The following DNER variants were observed in gnomAD, a reference collection of about 807,000 sequenced individuals.
DNER encodes the protein delta/notch like EGF repeat containing.
Under a neutral mutation model 78.2 loss-of-function variants are expected in DNER, and 33 were observed. The ratio of observed to expected loss-of-function variants is 0.42; its 90% CI spans 0.32 to 0.56. The LOEUF (loss-of-function observed/expected upper bound fraction) is 0.56, where lower values mean the gene tolerates loss of function less well. Among genes scored for constraint, DNER ranks in the 20% least tolerant of loss-of-function variants. The pLI, the probability that DNER is intolerant of heterozygous loss-of-function variation, is 0.11. For missense variants in DNER, 918 were observed against 975.3 expected, an observed-to-expected ratio of 0.94 and a Z score of 0.78; for synonymous variants, 417 against 384.8, an observed-to-expected ratio of 1.08 and a Z score of -0.98.
At chr2:229,656,985 C>CGT (rs1417445603) in intron 1 of DNER, among the ~76,000 whole-genome samples, 31 of 148,808 alleles carry the variant, frequency 2.1e-4, no homozygotes, top group African/African-American at 3.5e-4. Context: ...ACAGTTACCA[C>CGT]GTGTGTGTGT....
At chr2:229,675,251 T>C (rs989946785) in intron 1 of DNER, among the ~76,000 whole-genome samples, 4 of 152,166 alleles carry the variant, frequency 2.6e-5, no homozygotes, top group Admixed American at 2.0e-4. Context: ...ACAGGACTCA[T>C]TAGAGGGAGA....
chr2:229,440,968 G>A (rs1363926381), intron 8 of DNER, among the ~76,000 whole-genome samples: 4 of 152,112 alleles, frequency 2.6e-5, no homozygotes, highest in Admixed American at 1.3e-4. Context: ...CAAATACTAT[G>A]AGAATAATCT....
At chr2:229,565,254 C>T (rs567575762) in intron 4 of DNER, among the ~76,000 whole-genome samples, 8 of 152,164 alleles carry the variant, frequency 5.3e-5, no homozygotes, top group Non-Finnish European at 1.2e-4. Flanking sequence ...TCAGAGAGTC[C>T]TCTAAGCCCT....
chr2:229,389,988 A>G (rs1205269378), intron 10 of DNER, among the ~76,000 whole-genome samples: 1 of 152,228 alleles, frequency 6.6e-6, no homozygotes, highest in Non-Finnish European at 1.5e-5. Context: ...CTCTTAGTAG[A>G]AATAGTCATA....
chr2:229,675,763 G>A (rs1699291493), intron 1 of DNER, among the ~76,000 whole-genome samples: 1 of 152,140 alleles, frequency 6.6e-6, no homozygotes, highest in East Asian at 1.9e-4. Context: ...GTCTTTGCTG[G>A]GGGGTGGAAA....
At chr2:229,490,883 C>T (rs1695384378) in intron 6 of DNER, among the ~76,000 whole-genome samples, 1 of 152,208 alleles carries the variant, frequency 6.6e-6, no homozygotes, top group African/African-American at 2.4e-5. Flanking sequence ...ACTTCCAGCA[C>T]CACAGTGGTC....
At chr2:229,478,077 G>A (rs980744582) in intron 6 of DNER, among the ~76,000 whole-genome samples, 2 of 152,028 alleles carry the variant, frequency 1.3e-5, no homozygotes, top group East Asian at 1.9e-4. Flanking sequence ...AGTGGAAAAC[G>A]GTAAAGAAAG....
intron 11 of DNER, among the ~76,000 whole-genome samples, chr2:229,372,504 A>G (rs551222582): frequency 6.6e-6 from 1 of 152,316 alleles, no homozygotes; most frequent in African/African-American, 2.4e-5. Context: ...GAACAGCATG[A>G]CTGCTTGAGA....
At chr2:229,697,698 G>A (rs208784) in intron 1 of DNER, among the ~76,000 whole-genome samples, 126,178 of 152,160 alleles carry the variant, frequency 0.83, 52,671 homozygotes, top group East Asian at 0.94. Flanking sequence ...TAGAATACAA[G>A]AACTCTCCAA....
At chr2:229,571,917 A>T (rs1014046712) in intron 4 of DNER, among the ~76,000 whole-genome samples, 1 of 151,732 alleles carries the variant, frequency 6.6e-6, no homozygotes, top group Non-Finnish European at 1.5e-5. Flanking sequence ...GCTACTCCAT[A>T]ACACTCCCCA....
At chr2:229,464,771 G>C (rs894956201) in intron 7 of DNER, among the ~76,000 whole-genome samples, 2 of 152,150 alleles carry the variant, frequency 1.3e-5, no homozygotes, top group African/African-American at 4.8e-5. Context: ...GTGTAAGATA[G>C]TGGAGTCAGG....
At chr2:229,382,316 G>A (rs1692758694) in intron 11 of DNER, among the ~76,000 whole-genome samples, 1 of 152,152 alleles carries the variant, frequency 6.6e-6, no homozygotes, top group Non-Finnish European at 1.5e-5. Flanking sequence ...GGAAAAACCA[G>A]CACAAAAAGG....
At chr2:229,559,440 T>C (rs1002894775) in intron 4 of DNER, among the ~76,000 whole-genome samples, 1 of 152,122 alleles carries the variant, frequency 6.6e-6, no homozygotes, top group Non-Finnish European at 1.5e-5. Flanking sequence ...ATCTTCATTA[T>C]TTTCCCAAAG....
intron 8 of DNER, among the ~76,000 whole-genome samples, chr2:229,429,724 C>T (rs1276219400): frequency 1.3e-5 from 2 of 152,236 alleles, no homozygotes; most frequent in Admixed American, 1.3e-4. Flanking sequence ...TCAGCACTGA[C>T]ATGGTGCCTG....
intron 4 of DNER, among the ~76,000 whole-genome samples, chr2:229,577,779 G>T (rs1697329982): frequency 6.6e-6 from 1 of 152,324 alleles, no homozygotes; most frequent in African/African-American, 2.4e-5. Flanking sequence ...AGTAAAGATG[G>T]ATTACAAAAG....
intron 8 of DNER, among the ~76,000 whole-genome samples, chr2:229,433,345 C>T (rs181654637): frequency 6.6e-6 from 1 of 152,286 alleles, no homozygotes; most frequent in East Asian, 1.9e-4. Flanking sequence ...AATAAACCAA[C>T]AGTGAAACAT....
At chr2:229,680,392 T>C (rs1699365641) in intron 1 of DNER, among the ~76,000 whole-genome samples, 1 of 152,206 alleles carries the variant, frequency 6.6e-6, no homozygotes, top group Non-Finnish European at 1.5e-5. Context: ...TGGATCTCAT[T>C]CTTATTGGTG....
At chr2:229,654,847 T>G (rs1021392124) in intron 1 of DNER, among the ~76,000 whole-genome samples, 1 of 152,224 alleles carries the variant, frequency 6.6e-6, no homozygotes, top group African/African-American at 2.4e-5. Context: ...TGCTCATTAA[T>G]GAGCACACTG....
chr2:229,631,929 C>G lies in DNER; in HGVS notation c.277-40041G>C, dbSNP rs73093583. Among the ~76,000 whole-genome samples the G allele has an allele frequency of 3.3e-5, 5 of 152,274 alleles. No homozygotes were observed. In the East Asian group the frequency reaches 9.6e-4, roughly 29 times the overall value. ...CTGGCACACGGAGCTCAAATGTCAG[C>G]GAGAATTATTTCCATTATGGTCACT... On this transcript the variant is annotated intron_variant, in intron 1 of 12. Transcript: ENST00000341772.
Sources: gnomAD v4.1 joint callset for allele counts (sites outside exome capture counted in the v4.1 genomes callset) on GRCh38, gnomAD v4.1.1 for gene constraint, MANE v1.5 for transcripts, NCBI Gene and HGNC (gene_info 2026-07-23, HGNC 2026-07-21) for gene names.